The following MSL1 variants were observed in gnomAD, a reference collection of about 807,000 sequenced individuals.
MSL1 encodes the protein male-specific lethal 1 homolog.
In MSL1, 21 loss-of-function variants were observed where a neutral mutation model predicts 64.6. The observed-to-expected ratio is 0.33, with a 90% CI of 0.23 to 0.47. The LOEUF (loss-of-function observed/expected upper bound fraction) is 0.47, where lower values mean the gene tolerates loss of function less well. Ranked by LOEUF, MSL1 falls within the 20% of genes least tolerant of loss-of-function variation. MSL1 has a pLI of 1.00. For missense variants in MSL1, 664 were observed against 793.2 expected (o/e 0.84, Z 1.96); for synonymous variants, 339 against 329.6 (o/e 1.03, Z -0.31).
intron 1 of MSL1, among the ~76,000 whole-genome samples, chr17:40,125,137 CAA>C (rs976284925): frequency 2.0e-5 from 3 of 152,162 alleles, no homozygotes; most frequent in African/African-American, 7.2e-5. Flanking sequence ...TAAACTAACA[CAA>C]AGTTTTCAAT....
intron 2 of MSL1, among the ~76,000 whole-genome samples, chr17:40,127,444 A>G (rs530401560): frequency 7.9e-5 from 12 of 152,238 alleles, no homozygotes; most frequent in Admixed American, 3.3e-4. Flanking sequence ...ATTCAAATGC[A>G]GTAAAATACG....
In MSL1 at chr17:40,123,094, C is replaced by A; in HGVS notation, c.482C>A (p.Ser161Tyr). 6.5e-7 allele frequency: 1 copy of A among 1,529,458 alleles called. No homozygotes were observed. The highest frequency in any genetic ancestry group is 8.7e-7 in the Non-Finnish European group (1 of 1,144,324). 94.7% of individuals were successfully genotyped at this position (1,529,458 alleles called of 1,614,324 possible). ...GCTGGGGACAAGGGTGGGGCGGCCTCCCCCGCTGCCACCGCCTCGGACCCG... is the reference window on the plus strand; with the variant it reads ...GCTGGGGACAAGGGTGGGGCGGCCTACCCCGCTGCCACCGCCTCGGACCCG... ...PWAGDKGGAA[S>Y]PAATASDPAG... is the part of the protein sequence containing the mutation. Residue 161 changes from serine (S) to tyrosine (Y), a missense_variant, in exon 1 of 9, where the codon TCC (serine) becomes TAC (tyrosine). Coordinates refer to ENST00000398532, the MANE Select transcript of MSL1 (RefSeq NM_001365919.1).
chr17:40,127,980 G>C (rs931470248), intron 2 of MSL1, among the ~76,000 whole-genome samples: 1 of 152,246 alleles, frequency 6.6e-6, no homozygotes, highest in Non-Finnish European at 1.5e-5. Context: ...AAAATTAGCC[G>C]GGTGTGGTGC....
intron 2 of MSL1, chr17:40,126,689 TC>T (rs1413943730): frequency 3.2e-6 from 1 of 307,878 alleles, no homozygotes; most frequent in Non-Finnish European, 6.2e-6. Context: ...GCGCCTGTAG[TC>T]CCAGCTACTC....
rs760111354 is a variant in MSL1, at chr17:40,133,922, C to T, written c.1754+23C>T. 3.8e-6 allele frequency: 6 copies of T among 1,596,976 alleles called. 1 individual carries two copies. Among genetic ancestry groups the T allele is most frequent in the East Asian group, 4.5e-5 (2 of 44,810 alleles). ...ACAGTAAGTATACATTTTTTTTCTC[C>T]CCTTCCAGGTAACCTGCACATCCTT... On this transcript the variant is annotated intron_variant, in intron 8 of 8. Coordinates refer to ENST00000398532, the MANE Select transcript of MSL1 (RefSeq NM_001365919.1).
chr17:40,127,582 A>T (rs989390220), intron 2 of MSL1, among the ~76,000 whole-genome samples: 1 of 152,112 alleles, frequency 6.6e-6, no homozygotes, highest in Admixed American at 6.5e-5. Context: ...CTTGGACTCA[A>T]GTGATCCTCC....
At chr17:40,128,369 CTTTT>C (rs145183199) in intron 2 of MSL1, among the ~76,000 whole-genome samples, 35 of 112,684 alleles carry the variant, frequency 3.1e-4, no homozygotes, top group African/African-American at 1.2e-3. Context: ...CTTGAATATT[CTTTT>C]TTTTTTTTTT....
intron 1 of MSL1, among the ~76,000 whole-genome samples, chr17:40,124,367 TTCTC>T (rs142784983): frequency 2.1e-4 from 32 of 149,174 alleles, no homozygotes; most frequent in South Asian, 4.3e-4. Context: ...CTCTTTCCCT[TTCTC>T]TCTCTCTCTC....
Position 40,122,679 on chromosome 17 carries a change from C to T in MSL1, c.67C>T (p.Leu23=). The change falls in exon 1 of 9, where the codon CTG becomes TTG. Residue 23 remains leucine (L), a synonymous_variant. Coordinates refer to ENST00000398532, the MANE Select transcript of MSL1 (RefSeq NM_001365919.1). The surrounding 1 kb of genome is among the most constrained non-coding windows in gnomAD (Gnocchi z 4.2). ...TGCCGGCGGCAATCCTGAGCAGCGA[C>T]TGGACTACGAGCGGGCTGCGGCGCT... The part of the protein sequence containing the change: ...APAGGNPEQR[L]DYERAAALGG... 6.7e-7 allele frequency: 1 copy of T among 1,491,146 alleles called. No individual in the cohort carries two copies. The highest frequency in any genetic ancestry group is 8.9e-7 in the Non-Finnish European group (1 of 1,127,768). 92.4% of individuals were successfully genotyped at this position (1,491,146 alleles called of 1,614,324 possible).
At chr17:40,133,401 T>G in intron 6 of MSL1, 133 bp from the exon 7 acceptor site, 1 of 1,164,286 alleles carries the variant, frequency 8.6e-7, no homozygotes. Context: ...GGCAGTCATT[T>G]CTCTTTACCC....
chr17:40,133,147 C>T, intron 6 of MSL1, 38 bp downstream of exon 6: 1 of 1,545,450 alleles, frequency 6.5e-7, no homozygotes, highest in Non-Finnish European at 8.8e-7. Context: ...ACAACTGAGC[C>T]CTAGGACCTA....
intron 5 of MSL1, 85 bp downstream of exon 5, chr17:40,132,183 G>A (rs910038522): frequency 1.1e-6 from 1 of 921,718 alleles, no homozygotes; most frequent in African/African-American, 1.7e-5. Flanking sequence ...ATAGTACTAT[G>A]GATGAATTAA....
At chr17:40,128,664 G>A (rs893520941) in intron 2 of MSL1, among the ~76,000 whole-genome samples, 5 of 151,458 alleles carry the variant, frequency 3.3e-5, no homozygotes, top group Admixed American at 6.6e-5. Flanking sequence ...TTACAGGCGT[G>A]AGCCACTGCG....
intron 1 of MSL1, among the ~76,000 whole-genome samples, chr17:40,125,679 G>A (rs948881015): frequency 2.0e-5 from 3 of 152,118 alleles, no homozygotes; most frequent in East Asian, 1.9e-4. Flanking sequence ...GTGTGGTGGC[G>A]GGCGCCTGAA....
chr17:40,129,218 TATA>T, intron 2 of MSL1, 24 bp from the exon 3 acceptor site: 1 of 1,484,948 alleles, frequency 6.7e-7, no homozygotes, highest in Non-Finnish European at 9.0e-7. Context: ...CAATAAATTT[TATA>T]ATGTTTTCTT....
chr17:40,122,423 C>T lies in MSL1; in HGVS notation c.-190C>T, dbSNP rs1162571737. The T allele has an allele frequency of 1.3e-5, 5 of 388,574 alleles. No individual in the cohort carries two copies. The highest frequency in any genetic ancestry group is 2.1e-5 in the African/African-American group (1 of 47,512). The allele number at this position is 388,574 out of a possible 1,614,324, so 24.1% of individuals were successfully genotyped here. A position where few individuals can be genotyped will look rare whatever the true frequency, so the allele number is the denominator to read the frequency against. On this transcript the variant is annotated 5_prime_UTR_variant, in exon 1 of 9. Transcript: ENST00000398532. This position sits in a 1 kb window ranked among gnomAD's most constrained non-coding sequence, Gnocchi z 4.2. ...GCCGGCGGCGGGCCTCAGCCGCGGC[C>T]TCCACGTCTCCGCACGCCGGCGGGA...
In MSL1 at chr17:40,122,630, G is replaced by A. The variant is rs961388922; in HGVS notation, c.18G>A (p.Ala6=). 2 of 1,486,708 alleles carry A rather than the reference G, an allele frequency of 1.3e-6. No homozygotes were observed. Among genetic ancestry groups the A allele is most frequent in the Non-Finnish European group, 1.8e-6 (2 of 1,125,760 alleles). 92.1% of individuals were successfully genotyped at this position (1,486,708 alleles called of 1,614,324 possible). The change falls in exon 1 of 9, where the codon GCG becomes GCA. Residue 6 remains alanine (A), a synonymous_variant. Transcript: ENST00000398532. The surrounding 1 kb of genome is among the most constrained non-coding windows in gnomAD (Gnocchi z 4.2). MTMRS[A]VFKAAAAPAG... ...GGACCACTATGACCATGAGATCCGCGGTGTTCAAGGCGGCCGCGGCCCCTG... is the reference window on the plus strand; with the variant it reads ...GGACCACTATGACCATGAGATCCGCAGTGTTCAAGGCGGCCGCGGCCCCTG...
chr17:40,122,993 C>T lies in MSL1; in HGVS notation c.381C>T (p.Pro127=), dbSNP rs966243825. The T allele has an allele frequency of 5.9e-6, 9 of 1,529,134 alleles. No individual in the cohort carries two copies. The African/African-American group carries it at 1.3e-4, about 21-fold the overall frequency. 94.7% of individuals were successfully genotyped at this position (1,529,134 alleles called of 1,614,324 possible). A position where few individuals can be genotyped will look rare whatever the true frequency, so the allele number is the denominator to read the frequency against. Reference sequence around the variant, plus strand: ...CCGCAGCCGGAGCCGGCTGCAGCCCCCGGCCCAAGTATCAGGCGGTGCTGC... The same window carrying T: ...CCGCAGCCGGAGCCGGCTGCAGCCCTCGGCCCAAGTATCAGGCGGTGCTGC... The part of the protein sequence containing the change: ...EPAAAGAGCS[P]RPKYQAVLPI... Residue 127 remains proline, a synonymous_variant, in exon 1 of 9, where the codon CCC becomes CCT. Transcript: ENST00000398532. This position sits in a 1 kb window ranked among gnomAD's most constrained non-coding sequence, Gnocchi z 4.2.
At position 40,129,587 on chromosome 17, in the gene MSL1, A is replaced by T. The variant is rs1988399650; in HGVS notation, c.1335A>T (p.Pro445=). The T allele has an allele frequency of 6.2e-7, 1 of 1,612,026 alleles. No homozygotes were observed. Among genetic ancestry groups the T allele is most frequent in the Non-Finnish European group, 8.5e-7 (1 of 1,179,148 alleles). ...RWHQPPPSPL[P]LRESSPKKEE... is the part of the protein sequence containing the mutation. The stretch of plus-strand genomic sequence containing the variant: ...ACCAGCCTCCCCCATCACCGTTACC[A>T]TTACGGGAATCCTCTCCAAAGAAGG... The change falls in exon 3 of 9, where the codon CCA becomes CCT. Residue 445 remains proline, a synonymous_variant. Coordinates refer to ENST00000398532, the MANE Select transcript of MSL1 (RefSeq NM_001365919.1).
Sources: allele counts gnomAD v4.1 joint callset (sites outside exome capture counted in the v4.1 genomes callset), GRCh38; gene constraint gnomAD v4.1.1; non-coding constraint Gnocchi (gnomAD v3.1); transcripts MANE v1.5; gene names NCBI Gene and HGNC (gene_info 2026-07-23, HGNC 2026-07-21).